The following TACR1 variants were observed in gnomAD, a reference collection of about 807,000 sequenced individuals.
TACR1 encodes the protein substance-P receptor.
Under a neutral mutation model 35.8 loss-of-function variants are expected in TACR1, and 25 were observed. The observed-to-expected ratio is 0.70, with a 90% CI of 0.51 to 0.98. TACR1 has a LOEUF of 0.98. Ranked by LOEUF, TACR1 falls within the 50% of genes least tolerant of loss-of-function variation. The pLI, the probability that TACR1 is intolerant of heterozygous loss-of-function variation, is 0.00. For synonymous variants in TACR1, 195 were observed against 206.7 expected, an observed-to-expected ratio of 0.94 and a Z score of 0.48; for missense variants, 478 against 522.9, an observed-to-expected ratio of 0.91 and a Z score of 0.84.
rs189049031 is a variant in TACR1, at chr2:75,135,421, G to C, written c.390-14653C>G. Reference sequence around the variant, plus strand: ...CTTGCTATCTTTGTAACTTCCAGAGGCCATGTGGTCTCTTTCCAGAGATTC... The same window carrying C: ...CTTGCTATCTTTGTAACTTCCAGAGCCCATGTGGTCTCTTTCCAGAGATTC... On this transcript the variant is annotated intron_variant, in intron 1 of 4. Transcript: ENST00000305249. Among the ~76,000 whole-genome samples, 178 of 152,260 alleles carry C rather than the reference G, an allele frequency of 1.2e-3. 2 individuals carry two copies. Among genetic ancestry groups the C allele is most frequent in the African/African-American group, 4.1e-3 (172 of 41,556 alleles).
chr2:75,100,997 A>G (rs1673524484), intron 2 of TACR1, among the ~76,000 whole-genome samples: 1 of 152,138 alleles, frequency 6.6e-6, no homozygotes, highest in Admixed American at 6.5e-5. Flanking sequence ...AATGAGTTCC[A>G]ATGTCTATAC....
intron 4 of TACR1, 184 bp downstream of exon 4, chr2:75,051,067 C>G: frequency 1.4e-6 from 1 of 707,434 alleles, no homozygotes; most frequent in Non-Finnish European, 2.4e-6. Context: ...CAGTCCACTC[C>G]GGGCTCCCAT....
At chr2:75,161,004 C>T (rs190365389) in intron 1 of TACR1, among the ~76,000 whole-genome samples, 26 of 151,966 alleles carry the variant, frequency 1.7e-4, no homozygotes, top group African/African-American at 6.0e-4. Flanking sequence ...ATAACAGAGC[C>T]ACATTTACAA....
At chr2:75,184,079 G>A (rs955725564) in intron 1 of TACR1, among the ~76,000 whole-genome samples, 5 of 152,166 alleles carry the variant, frequency 3.3e-5, no homozygotes, top group Non-Finnish European at 7.4e-5. Context: ...GTATTTTATA[G>A]CAAGGATGCA....
rs567989473 is a variant in TACR1 at position 75,121,399 on chromosome 2, A to T, written c.390-631T>A. Among the ~76,000 whole-genome samples, 12 of 152,336 alleles carry T rather than the reference A, an allele frequency of 7.9e-5. No individual in the cohort carries two copies. The East Asian group carries it at 2.3e-3, about 29-fold the overall frequency. On this transcript the variant is annotated intron_variant, in intron 1 of 4. Coordinates refer to ENST00000305249, the MANE Select transcript of TACR1 (RefSeq NM_001058.4). ...AGAGAAAGACGGTCTCCACCTGCTG[A>T]GGCAGACAGACTAGAGTGCACAAAG...
intron 1 of TACR1, among the ~76,000 whole-genome samples, chr2:75,170,762 G>C (rs760904651): frequency 8.5e-5 from 13 of 152,146 alleles, no homozygotes; most frequent in Non-Finnish European, 1.8e-4. Context: ...GCAGCATTTT[G>C]CCCTTGCCCT....
intron 1 of TACR1, among the ~76,000 whole-genome samples, chr2:75,157,285 C>A (rs1210097221): frequency 6.6e-6 from 1 of 152,150 alleles, no homozygotes; most frequent in Non-Finnish European, 1.5e-5. Context: ...ATTTTCCTTA[C>A]TACCATCTGC....
At chr2:75,074,590 T>C (rs181670074) in intron 2 of TACR1, among the ~76,000 whole-genome samples, 335 of 152,222 alleles carry the variant, frequency 2.2e-3, no homozygotes, top group African/African-American at 7.5e-3. Context: ...GAATACACTA[T>C]AATAAAAAGT....
intron 1 of TACR1, among the ~76,000 whole-genome samples, chr2:75,134,886 G>T (rs1326009854): frequency 6.6e-6 from 1 of 152,196 alleles, no homozygotes; most frequent in Non-Finnish European, 1.5e-5. Context: ...AAGAAACAAG[G>T]CTAGAGGATT....
rs564800615 is a variant in TACR1, at chr2:75,114,512, C to T, written c.584+6062G>A. On this transcript the variant is annotated intron_variant, in intron 2 of 4. Transcript: ENST00000305249. Reference sequence around the variant, plus strand: ...AGTACCTTCTGAGACCATTGCCACCCTACAGCCCACATAACAACTACAAGA... The same window carrying T: ...AGTACCTTCTGAGACCATTGCCACCTTACAGCCCACATAACAACTACAAGA... Among the ~76,000 whole-genome samples the T allele has an allele frequency of 3.9e-5, 6 of 152,326 alleles. No homozygotes were observed. In the East Asian group the frequency reaches 1.2e-3, roughly 29 times the overall value.
chr2:75,110,629 A>G (rs1371747966), intron 2 of TACR1, among the ~76,000 whole-genome samples: 1 of 151,884 alleles, frequency 6.6e-6, no homozygotes, highest in Non-Finnish European at 1.5e-5. Context: ...GATAAATAAT[A>G]TTATGATCAT....
intron 2 of TACR1, among the ~76,000 whole-genome samples, chr2:75,070,028 C>T (rs1672845636): frequency 1.3e-5 from 2 of 152,116 alleles, no homozygotes. Context: ...TGGAATTATC[C>T]TGTGTGGGAG....
In TACR1 at chr2:75,049,373, T is replaced by G. The variant is rs1284733938; in HGVS notation, c.*59A>C. 3.9e-6 allele frequency: 6 copies of G among 1,543,312 alleles called. No homozygotes were observed. The highest frequency in any genetic ancestry group is 2.7e-5 in the African/African-American group (2 of 73,032). ...TGGTTCCAGATGAAGGGAATTTCCA[T>G]GCATGAAGGGAGGCAGGTCAAAGGC... On this transcript the variant is annotated 3_prime_UTR_variant, in exon 5 of 5. Transcript: ENST00000305249.
chr2:75,186,986 T>C (rs1675722963), intron 1 of TACR1: 1 of 152,158 alleles, frequency 6.6e-6, no homozygotes. Flanking sequence ...GACATGTGGG[T>C]CCAGACAGAC....
intron 2 of TACR1, among the ~76,000 whole-genome samples, chr2:75,117,196 C>T (rs1272861157): frequency 2.6e-5 from 4 of 151,186 alleles, no homozygotes; most frequent in Non-Finnish European, 4.4e-5. Flanking sequence ...TTTGCTCATT[C>T]TTTTATTGGA....
chr2:75,051,556 A>G, intron 3 of TACR1, 109 bp from the exon 4 acceptor site: 2 of 1,516,894 alleles, frequency 1.3e-6, no homozygotes, highest in Non-Finnish European at 1.8e-6. Flanking sequence ...TGAAGCGAGA[A>G]GTATTTAAAA....
At chr2:75,080,737 G>C (rs1673072825) in intron 2 of TACR1, among the ~76,000 whole-genome samples, 1 of 152,124 alleles carries the variant, frequency 6.6e-6, no homozygotes, top group African/African-American at 2.4e-5. Context: ...CAGGCCTGTT[G>C]TGAGGATATA....
chr2:75,099,851 A>G (rs1002863750), intron 2 of TACR1, among the ~76,000 whole-genome samples: 1 of 152,162 alleles, frequency 6.6e-6, no homozygotes, highest in African/African-American at 2.4e-5. Flanking sequence ...TTGTAAATCC[A>G]TCTATGAGCT....
At chr2:75,075,158 T>C (rs1672955372) in intron 2 of TACR1, among the ~76,000 whole-genome samples, 1 of 152,234 alleles carries the variant, frequency 6.6e-6, no homozygotes, top group Non-Finnish European at 1.5e-5. Context: ...CACAGCTGAT[T>C]ATTCCCTCCT....
Sources: gnomAD v4.1 joint callset for allele counts (sites outside exome capture counted in the v4.1 genomes callset) on GRCh38, gnomAD v4.1.1 for gene constraint, MANE v1.5 for transcripts, NCBI Gene and HGNC (gene_info 2026-07-23, HGNC 2026-07-21) for gene names.